ALK: variants seen among roughly 807,000 people sequenced by gnomAD.
The protein encoded by ALK is ALK receptor tyrosine kinase.
ALK carries 74 observed loss-of-function variants against 163.1 expected under a neutral mutation model. The observed-to-expected ratio is 0.45, with a 90% CI of 0.38 to 0.55. The LOEUF (loss-of-function observed/expected upper bound fraction) is 0.55. Among genes scored for constraint, ALK ranks in the 20% least tolerant of loss-of-function variants. ALK has a pLI of 0.00. For missense variants in ALK, 2,063 were observed against 2,105.3 expected, an observed-to-expected ratio of 0.98 and a Z score of 0.39; for synonymous variants, 960 against 843.2, an observed-to-expected ratio of 1.14 and a Z score of -2.40.
At chr2:29,565,625 C>T (rs1674161173) in intron 3 of ALK, among the ~76,000 whole-genome samples, 2 of 152,138 alleles carry the variant, frequency 1.3e-5, no homozygotes, top group Admixed American at 1.3e-4. Context: ...GAGGTAGTGG[C>T]CAAGCTCTCC....
chr2:29,528,185 A>G (rs1019629797), intron 4 of ALK, among the ~76,000 whole-genome samples: 3 of 152,154 alleles, frequency 2.0e-5, no homozygotes, highest in Non-Finnish European at 4.4e-5. Context: ...CTGGTCATAC[A>G]TAATAAAGTC....
At chr2:29,641,920 G>A (rs1216732573) in intron 3 of ALK, among the ~76,000 whole-genome samples, 1 of 152,128 alleles carries the variant, frequency 6.6e-6, no homozygotes, top group African/African-American at 2.4e-5. Flanking sequence ...CTAATTTGTG[G>A]TTTCCAAACC....
At chr2:29,682,073 A>G (rs1678086954) in intron 3 of ALK, among the ~76,000 whole-genome samples, 1 of 152,204 alleles carries the variant, frequency 6.6e-6, no homozygotes, top group Non-Finnish European at 1.5e-5. Context: ...GGGCCAGCCC[A>G]TTTAGTCTGT....
At chr2:29,546,669 T>C (rs1673563041) in intron 3 of ALK, among the ~76,000 whole-genome samples, 1 of 152,234 alleles carries the variant, frequency 6.6e-6, no homozygotes, top group Non-Finnish European at 1.5e-5. Flanking sequence ...TGTTCAATTT[T>C]TGCTTTAAGT....
At chr2:29,832,499 A>T (rs148371960) in intron 1 of ALK, among the ~76,000 whole-genome samples, 92 of 152,326 alleles carry the variant, frequency 6.0e-4, no homozygotes, top group Non-Finnish European at 1.2e-3. Context: ...CATGAGAGTG[A>T]GTGTGTGTGC....
At chr2:29,826,218 A>G (rs902653432) in intron 1 of ALK, among the ~76,000 whole-genome samples, 1 of 151,938 alleles carries the variant, frequency 6.6e-6, no homozygotes, top group Non-Finnish European at 1.5e-5. Context: ...CATATGGGGT[A>G]GTAGAAATCC....
chr2:29,901,128 C>A (rs1421605008), intron 1 of ALK, among the ~76,000 whole-genome samples: 1 of 152,154 alleles, frequency 6.6e-6, no homozygotes, highest in African/African-American at 2.4e-5. Flanking sequence ...CCAGTTCAGC[C>A]ACTTATGAGT....
chr2:29,658,180 G>A (rs1677243960), intron 3 of ALK, among the ~76,000 whole-genome samples: 1 of 152,186 alleles, frequency 6.6e-6, no homozygotes, highest in Non-Finnish European at 1.5e-5. Context: ...TGCTTAAAAT[G>A]AGTTTTTTTC....
chr2:29,572,119 T>A (rs2148191039), intron 3 of ALK, among the ~76,000 whole-genome samples: 1 of 152,346 alleles, frequency 6.6e-6, no homozygotes, highest in South Asian at 2.1e-4. Flanking sequence ...AGTCACATTT[T>A]CAAGAATCTA....
intron 1 of ALK, among the ~76,000 whole-genome samples, chr2:29,728,556 A>G (rs1168306345): frequency 6.6e-6 from 1 of 152,236 alleles, no homozygotes; most frequent in African/African-American, 2.4e-5. Context: ...AGACAGACAC[A>G]ACCCTATGAG....
rs1254772094 is a variant in ALK, at chr2:29,251,222, G to C, written c.2087C>G (p.Pro696Arg). The C allele has an allele frequency of 6.2e-7, 1 of 1,614,044 alleles. No individual in the cohort carries two copies. Among genetic ancestry groups the C allele is most frequent in the East Asian group, 2.2e-5 (1 of 44,882 alleles). Residue 696 changes from proline (P) to arginine (R), a missense_variant, in exon 12 of 29, where the codon CCC (proline) becomes CGC (arginine). Physicochemically the swap from Pro to Arg is moderately radical, Grantham distance 103. Coordinates refer to ENST00000389048, the MANE Select transcript of ALK (RefSeq NM_004304.5). ...GGCGTTGTTGCACTGTGCCTGGGTG[G>C]GGCCATGGGGCCCGCTGGCCCCACA... ...TTCGASGPHG[P>R]TQAQCNNAYQ... is the part of the protein sequence containing the mutation.
chr2:29,741,139 T>C (rs1184955388), intron 1 of ALK, among the ~76,000 whole-genome samples: 1 of 152,220 alleles, frequency 6.6e-6, no homozygotes, highest in Non-Finnish European at 1.5e-5. Context: ...TGTATGACCT[T>C]CTAGAAATGG....
intron 1 of ALK, among the ~76,000 whole-genome samples, chr2:29,879,770 A>G (rs1422968284): frequency 6.6e-6 from 1 of 152,228 alleles, no homozygotes; most frequent in Non-Finnish European, 1.5e-5. Context: ...ATTCATCCCA[A>G]AAGAATGCTT....
chr2:29,635,832 T>C (rs1164711836), intron 3 of ALK, among the ~76,000 whole-genome samples: 2 of 151,882 alleles, frequency 1.3e-5, no homozygotes, highest in African/African-American at 4.8e-5. Flanking sequence ...GGTTCTATCA[T>C]GTTGGCCAGA....
At chr2:29,891,735 C>A (rs370152845) in intron 1 of ALK, among the ~76,000 whole-genome samples, 1 of 152,104 alleles carries the variant, frequency 6.6e-6, no homozygotes, top group East Asian at 1.9e-4. Context: ...TTCACACTTC[C>A]CTGGGACCAC....
At chr2:29,541,418 G>A (rs1673409057) in intron 3 of ALK, among the ~76,000 whole-genome samples, 1 of 152,142 alleles carries the variant, frequency 6.6e-6, no homozygotes, top group Non-Finnish European at 1.5e-5. Context: ...TCAGCCTCCT[G>A]AGTAGGTGGG....
At chr2:29,695,487 C>T (rs1678527294) in intron 2 of ALK, among the ~76,000 whole-genome samples, 1 of 152,110 alleles carries the variant, frequency 6.6e-6, no homozygotes, top group African/African-American at 2.4e-5. Context: ...CTCAAGTTTG[C>T]CGTAAGAACT....
At chr2:29,504,911 G>T (rs973883918) in intron 4 of ALK, among the ~76,000 whole-genome samples, 1 of 152,196 alleles carries the variant, frequency 6.6e-6, no homozygotes, top group African/African-American at 2.4e-5. Flanking sequence ...TGACGGCTGG[G>T]TAGAGAGGGG....
At chr2:29,495,839 G>A (rs1442892261) in intron 4 of ALK, among the ~76,000 whole-genome samples, 1 of 152,202 alleles carries the variant, frequency 6.6e-6, no homozygotes, top group Non-Finnish European at 1.5e-5. Context: ...GGAGGTTTCA[G>A]TGTAATTAAT....
Sources: gnomAD v4.1 joint callset for allele counts (sites outside exome capture counted in the v4.1 genomes callset) on GRCh38, gnomAD v4.1.1 for gene constraint, MANE v1.5 for transcripts, NCBI Gene and HGNC (gene_info 2026-07-23, HGNC 2026-07-21) for gene names.